ARHGAP6: variants seen among roughly 807,000 people sequenced by gnomAD.
The protein encoded by ARHGAP6 is rho GTPase-activating protein 6.
Under a neutral mutation model 55.7 loss-of-function variants are expected in ARHGAP6, and 16 were observed. The observed-to-expected ratio is 0.29, with a 90% confidence interval of 0.19 to 0.44. ARHGAP6 has a LOEUF of 0.44. Among genes scored for constraint, ARHGAP6 ranks in the 20% least tolerant of loss-of-function variants. The pLI is 1.00. For missense variants in ARHGAP6, 698 were observed against 808.9 expected, an observed-to-expected ratio of 0.86 and a Z score of 1.66; for synonymous variants, 382 against 360.9, an observed-to-expected ratio of 1.06 and a Z score of -0.66.
intron 6 of ARHGAP6, among the ~76,000 whole-genome samples, chrX:11,180,158 T>A (rs1248962008): frequency 9.0e-6 from 1 of 111,485 alleles, no homozygotes; most frequent in African/African-American, 3.3e-5. Flanking sequence ...ATTCCCTGCC[T>A]TAATCATTAT....
Position 11,172,377 on chromosome X carries a change from T to C in ARHGAP6, c.1630-2693A>G, listed in dbSNP as rs907908438. Among the ~76,000 whole-genome samples the C allele has an allele frequency of 1.6e-4, 18 of 111,870 alleles. No individual in the cohort carries two copies. In the Admixed American group the frequency reaches 1.7e-3, roughly 11 times the overall value. On this transcript the variant is annotated intron_variant, in intron 8 of 12. Transcript: ENST00000337414. Reference sequence around the variant, plus strand: ...TTGACAAGTTTTCATTTAATTTTTCTTTTCCTGGAAATTCATGGTTAAGGT... The same window carrying C: ...TTGACAAGTTTTCATTTAATTTTTCCTTTCCTGGAAATTCATGGTTAAGGT...
intron 1 of ARHGAP6, among the ~76,000 whole-genome samples, chrX:11,656,107 C>A (rs1341201800): frequency 8.9e-6 from 1 of 112,406 alleles, no homozygotes; most frequent in African/African-American, 3.2e-5. Context: ...GAAACAAAAT[C>A]TATGTGGGGA....
intron 1 of ARHGAP6, among the ~76,000 whole-genome samples, chrX:11,624,572 T>A (rs375236084): frequency 8.9e-6 from 1 of 112,698 alleles, no homozygotes; most frequent in Non-Finnish European, 1.9e-5. Flanking sequence ...CTGAATTTCT[T>A]TTTTTCTTTT....
chrX:11,169,801 C>A, intron 8 of ARHGAP6, 117 bp from the exon 9 acceptor site: 1 of 537,284 alleles, frequency 1.9e-6, no homozygotes, highest in Non-Finnish European at 2.8e-6. Context: ...TGCAAGGATG[C>A]CATCCTCTCT....
intron 2 of ARHGAP6, 110 bp downstream of exon 2, chrX:11,254,438 T>A: frequency 1.0e-6 from 1 of 1,001,508 alleles, no homozygotes; most frequent in Non-Finnish European, 1.3e-6. Context: ...AAGCTGTAGT[T>A]TCCTTCCTGT....
chrX:11,349,126 A>G (rs2048824761), intron 1 of ARHGAP6, among the ~76,000 whole-genome samples: 1 of 109,082 alleles, frequency 9.2e-6, no homozygotes, highest in Non-Finnish European at 1.9e-5. Context: ...ATAGAGACAG[A>G]GTTAGGATAA....
At chrX:11,534,059 T>A (rs989064736) in intron 1 of ARHGAP6, among the ~76,000 whole-genome samples, 4 of 111,114 alleles carry the variant, frequency 3.6e-5, no homozygotes, top group African/African-American at 1.3e-4. Context: ...TTATCTAGGA[T>A]AGTAGGCCCT....
chrX:11,389,937 A>G (rs1291457998), intron 1 of ARHGAP6, among the ~76,000 whole-genome samples: 1 of 112,031 alleles, frequency 8.9e-6, no homozygotes, highest in Non-Finnish European at 1.9e-5. Context: ...TCTAATGGGA[A>G]CTAGAAGTCT....
chrX:11,638,054 T>C (rs1368218872), intron 1 of ARHGAP6, among the ~76,000 whole-genome samples: 2 of 111,571 alleles, frequency 1.8e-5, no homozygotes, highest in African/African-American at 6.5e-5. Flanking sequence ...CTTAGGCAGA[T>C]AGAGATAGCT....
At chrX:11,199,273 G>A (rs1449005454) in intron 2 of ARHGAP6, among the ~76,000 whole-genome samples, 3 of 112,215 alleles carry the variant, frequency 2.7e-5, no homozygotes, top group East Asian at 5.6e-4. Flanking sequence ...TCTTATGAGC[G>A]TGTATGTACA....
At chrX:11,590,925 A>G (rs1408869932) in intron 1 of ARHGAP6, among the ~76,000 whole-genome samples, 1 of 106,631 alleles carries the variant, frequency 9.4e-6, no homozygotes, top group Non-Finnish European at 1.9e-5. Context: ...AAAAGAAAAG[A>G]AAAGATAAGT....
intron 1 of ARHGAP6, among the ~76,000 whole-genome samples, chrX:11,369,588 T>C (rs1338853677): frequency 8.9e-6 from 1 of 111,876 alleles, no homozygotes; most frequent in Admixed American, 9.6e-5. Flanking sequence ...TCAGTTTTCT[T>C]ATATATGAGA....
At chrX:11,151,963 C>T (rs1356720071) in intron 10 of ARHGAP6, among the ~76,000 whole-genome samples, 1 of 111,982 alleles carries the variant, frequency 8.9e-6, no homozygotes, top group African/African-American at 3.2e-5. Context: ...TGTCATATTG[C>T]CTGGAAGGTT....
chrX:11,343,434 T>C (rs2048730894), intron 1 of ARHGAP6, among the ~76,000 whole-genome samples: 1 of 112,532 alleles, frequency 8.9e-6, no homozygotes, highest in African/African-American at 3.2e-5. Context: ...TATTTCTTGA[T>C]GAATCATATT....
chrX:11,308,014 T>A (rs1200787536), intron 1 of ARHGAP6, among the ~76,000 whole-genome samples: 5 of 112,476 alleles, frequency 4.4e-5, no homozygotes, highest in Non-Finnish European at 9.4e-5. Context: ...AACTAAATAA[T>A]TCGTATATAT....
intron 1 of ARHGAP6, among the ~76,000 whole-genome samples, chrX:11,400,925 A>G (rs185514843): frequency 1.2e-4 from 14 of 112,505 alleles, no homozygotes; most frequent in South Asian, 3.7e-4. Context: ...ATAGTTTACT[A>G]TTAAATATTA....
At chrX:11,603,339 A>T (rs894358968) in intron 1 of ARHGAP6, among the ~76,000 whole-genome samples, 1 of 111,178 alleles carries the variant, frequency 9.0e-6, no homozygotes, top group East Asian at 2.8e-4. Context: ...TAATTTTATA[A>T]TTTTTTTTTA....
At chrX:11,477,923 G>A (rs143691860) in intron 1 of ARHGAP6, among the ~76,000 whole-genome samples, 1,780 of 111,576 alleles carry the variant, frequency 0.016, 33 homozygotes, top group African/African-American at 0.054. Context: ...GTGGTTACAT[G>A]GATATATATA....
chrX:11,571,208 G>A, intron 1 of ARHGAP6, among the ~76,000 whole-genome samples: 1 of 111,987 alleles, frequency 8.9e-6, no homozygotes, highest in Middle Eastern at 4.6e-3. Flanking sequence ...TCTAGGTTAA[G>A]AATTAGGGTT....
Sources: allele counts gnomAD v4.1 joint callset (sites outside exome capture counted in the v4.1 genomes callset), GRCh38; gene constraint gnomAD v4.1.1; transcripts MANE v1.5; gene names NCBI Gene and HGNC (gene_info 2026-07-23, HGNC 2026-07-21).